The following SUDS3 variants were observed in gnomAD, a reference collection of about 807,000 sequenced individuals.
SUDS3 encodes sin3 histone deacetylase corepressor complex component SDS3.
In SUDS3, 23 loss-of-function variants were observed where a neutral mutation model predicts 53.5. The observed-to-expected ratio is 0.43, with a 90% confidence interval of 0.31 to 0.61. SUDS3 has a LOEUF of 0.61. Among genes scored for constraint, SUDS3 ranks in the 20% least tolerant of loss-of-function variants. The pLI is 0.10. For synonymous variants in SUDS3, 150 were observed against 148.5 expected, an observed-to-expected ratio of 1.01 and a Z score of -0.08; for missense variants, 291 against 405.9, an observed-to-expected ratio of 0.72 and a Z score of 2.43.
chr12:118,410,443 A>G (rs1407828046), intron 10 of SUDS3, among the ~76,000 whole-genome samples: 1 of 152,220 alleles, frequency 6.6e-6, no homozygotes, highest in Non-Finnish European at 1.5e-5. Flanking sequence ...AGGGAAAAAT[A>G]CATAGTTTTC....
At chr12:118,394,631 T>C (rs1447594524) in intron 6 of SUDS3, among the ~76,000 whole-genome samples, 1 of 152,130 alleles carries the variant, frequency 6.6e-6, no homozygotes, top group Admixed American at 6.5e-5. Context: ...CCCAAGGTAA[T>C]GTGTTGAGAT....
At chr12:118,379,955 T>C (rs2046040483) in intron 1 of SUDS3, among the ~76,000 whole-genome samples, 1 of 152,238 alleles carries the variant, frequency 6.6e-6, no homozygotes, top group African/African-American at 2.4e-5. Flanking sequence ...ATTCTTTGCA[T>C]TGGCCTTTTG....
Position 118,376,785 on chromosome 12 carries a change from A to T in SUDS3, c.94A>T (p.Ser32Cys). Residue 32 changes from serine (S) to cysteine (C), a missense_variant, in exon 1 of 12, where the codon AGC (serine) becomes TGC (cysteine). Ser to Cys is a moderately radical substitution (Grantham distance 112). This residue lies in a region of SUDS3 where 149 missense variants were observed against 146.5 expected (regional missense o/e 1.02). Transcript: ENST00000543473. The stretch of plus-strand genomic sequence containing the variant: ...CCCCGAGGAGGATGAAGAGCTGGAG[A>T]GCGCCGAGGACGACGAGCGCAGCTG... ...YYPEEDEELE[S>C]AEDDERSCRG... 1 of 1,552,840 alleles carries T rather than the reference A, an allele frequency of 6.4e-7. No homozygotes were observed.
chr12:118,410,646 G>C (rs1251904302), intron 10 of SUDS3, among the ~76,000 whole-genome samples: 1 of 151,418 alleles, frequency 6.6e-6, no homozygotes, highest in East Asian at 1.9e-4. Context: ...GCCCAGGCTG[G>C]AGTGCAGTGG....
chr12:118,379,745 G>C (rs2046037391), intron 1 of SUDS3, among the ~76,000 whole-genome samples: 1 of 152,208 alleles, frequency 6.6e-6, no homozygotes, highest in African/African-American at 2.4e-5. Flanking sequence ...TGTTTCTGCA[G>C]AAGTAGCAGC....
intron 2 of SUDS3, among the ~76,000 whole-genome samples, chr12:118,382,655 A>G (rs1044477974): frequency 1.4e-5 from 2 of 144,122 alleles, no homozygotes; most frequent in Non-Finnish European, 3.0e-5. Flanking sequence ...GAATAAGCCA[A>G]TGTGCCCAGC....
chr12:118,396,816 GCTATAATGA>G (rs949888814), intron 6 of SUDS3, among the ~76,000 whole-genome samples: 2 of 152,138 alleles, frequency 1.3e-5, no homozygotes, highest in African/African-American at 4.8e-5. Context: ...GAGGGACTGT[GCTATAATGA>G]CTCTACCACC....
intron 10 of SUDS3, among the ~76,000 whole-genome samples, chr12:118,409,843 T>C (rs2046343000): frequency 6.6e-6 from 1 of 152,282 alleles, no homozygotes; most frequent in Admixed American, 6.5e-5. Context: ...CTGTGGCAGC[T>C]GCTTTTGTCC....
chr12:118,411,562 A>G (rs1488857568), intron 11 of SUDS3, among the ~76,000 whole-genome samples: 2 of 151,700 alleles, frequency 1.3e-5, no homozygotes, highest in Admixed American at 1.3e-4. Context: ...CAGTTGTGCT[A>G]TCTTGGCTCA....
chr12:118,416,587 A>G lies in SUDS3; in HGVS notation c.*2154A>G, dbSNP rs905836762. ...GAAAATGGGGGCAGGTGAGAAGTCC[A>G]TTTTGAGAATCAGCATAGTAAATTA... On this transcript the variant is annotated 3_prime_UTR_variant, in exon 12 of 12. Coordinates refer to ENST00000543473, the MANE Select transcript of SUDS3 (RefSeq NM_022491.3). The G allele has an allele frequency of 6.6e-6, 1 of 152,164 alleles. No homozygotes were observed. The highest frequency in any genetic ancestry group is 1.5e-5 in the Non-Finnish European group (1 of 68,030). 9.4% of individuals were successfully genotyped at this position (152,164 alleles called of 1,614,324 possible). A position where few individuals can be genotyped will look rare whatever the true frequency, so the allele number is the denominator to read the frequency against.
chr12:118,407,933 G>A (rs909293636), intron 10 of SUDS3, among the ~76,000 whole-genome samples: 5 of 151,852 alleles, frequency 3.3e-5, no homozygotes, highest in East Asian at 1.9e-4. Flanking sequence ...ACAGAGTCTC[G>A]CACTGTCACC....
chr12:118,390,070 T>C (rs901044466), intron 5 of SUDS3, 124 bp downstream of exon 5: 30 of 1,219,740 alleles, frequency 2.5e-5, no homozygotes, highest in Non-Finnish European at 3.2e-5. Flanking sequence ...CACTGTTCTG[T>C]TTGACTTAAG....
chr12:118,400,165 C>T (rs2046251512), intron 6 of SUDS3, among the ~76,000 whole-genome samples: 1 of 151,992 alleles, frequency 6.6e-6, no homozygotes, highest in Non-Finnish European at 1.5e-5. Flanking sequence ...AAAAAAAATC[C>T]GAGTCTGTAA....
At chr12:118,389,777 C>T in intron 4 of SUDS3, 150 bp from the exon 5 acceptor site, 2 of 923,086 alleles carry the variant, frequency 2.2e-6, no homozygotes, top group Non-Finnish European at 3.4e-6. Flanking sequence ...TGTCCTTTCC[C>T]TTCGTGTATA....
At chr12:118,386,928 C>T (rs1411867767) in intron 4 of SUDS3, among the ~76,000 whole-genome samples, 3 of 152,174 alleles carry the variant, frequency 2.0e-5, no homozygotes, top group Non-Finnish European at 4.4e-5. Flanking sequence ...TTTTAACGCT[C>T]ATCATCAGCC....
rs1347859819 is a variant in SUDS3, at chr12:118,416,252, G to A, written c.*1819G>A. 1.3e-5 allele frequency: 2 copies of A among 152,196 alleles called. No homozygotes were observed. The highest frequency in any genetic ancestry group is 4.8e-5 in the African/African-American group (2 of 41,442). The allele number at this position is 152,196 out of a possible 1,614,324, so 9.4% of individuals were successfully genotyped here. The stretch of plus-strand genomic sequence containing the variant: ...TATTTCATGTATTTTTCCATTGAAG[G>A]TGGAGTTTTTCAATGATCATGTGTT... On this transcript the variant is annotated 3_prime_UTR_variant, in exon 12 of 12. Transcript: ENST00000543473.
At chr12:118,389,161 A>AC (rs1222641183) in intron 4 of SUDS3, among the ~76,000 whole-genome samples, 4 of 151,582 alleles carry the variant, frequency 2.6e-5, no homozygotes, top group Non-Finnish European at 4.4e-5. Flanking sequence ...AAAAACCAGA[A>AC]CCCCCCAGAA....
In SUDS3 at chr12:118,416,155, C is replaced by T. The variant is rs566013098; in HGVS notation, c.*1722C>T. The stretch of plus-strand genomic sequence containing the variant: ...TCCCTCGCTTGAACTGTTACACATA[C>T]GATGTGTGTGTCACATCACATATTG... On this transcript the variant is annotated 3_prime_UTR_variant, in exon 12 of 12. Coordinates refer to ENST00000543473, the MANE Select transcript of SUDS3 (RefSeq NM_022491.3). 1.3e-5 allele frequency: 2 copies of T among 152,276 alleles called. No homozygotes were observed. The highest frequency in any genetic ancestry group is 2.4e-5 in the African/African-American group (1 of 41,542). 9.4% of individuals were successfully genotyped at this position (152,276 alleles called of 1,614,324 possible). A position where few individuals can be genotyped will look rare whatever the true frequency, so the allele number is the denominator to read the frequency against.
chr12:118,409,919 TAAG>T (rs1316248970), intron 10 of SUDS3, among the ~76,000 whole-genome samples: 10 of 152,284 alleles, frequency 6.6e-5, no homozygotes, highest in African/African-American at 2.2e-4. Flanking sequence ...CTTGTAGAAA[TAAG>T]AAGTGGCCCT....
Sources: allele counts gnomAD v4.1 joint callset (sites outside exome capture counted in the v4.1 genomes callset), GRCh38; gene constraint gnomAD v4.1.1; regional missense constraint gnomAD v4.1.1; transcripts MANE v1.5; gene names NCBI Gene and HGNC (gene_info 2026-07-23, HGNC 2026-07-21).